TDRD5: variants seen among roughly 807,000 people sequenced by gnomAD.
TDRD5 encodes the protein tudor domain-containing protein 5.
In TDRD5, 41 loss-of-function variants were observed where a neutral mutation model predicts 120.6. The ratio of observed to expected loss-of-function variants is 0.34; its 90% CI spans 0.26 to 0.44. TDRD5 has a LOEUF of 0.44. Among genes scored for constraint, TDRD5 ranks in the 20% least tolerant of loss-of-function variants. The probability of loss-of-function intolerance (pLI) is 1.00; values close to 1 mark genes in which losing one functional copy is unlikely to be tolerated. For missense variants in TDRD5, 1,006 were observed against 1,221.2 expected, an observed-to-expected ratio of 0.82 and a Z score of 2.63; for synonymous variants, 430 against 433.7, an observed-to-expected ratio of 0.99 and a Z score of 0.11.
intron 17 of TDRD5, among the ~76,000 whole-genome samples, chr1:179,678,750 C>T (rs556938023): frequency 2.0e-4 from 31 of 151,944 alleles, no homozygotes; most frequent in Middle Eastern, 3.4e-3. Flanking sequence ...TCATATATTC[C>T]GTGACCTTGC....
intron 17 of TDRD5, among the ~76,000 whole-genome samples, chr1:179,685,461 G>T (rs980748130): frequency 1.3e-5 from 2 of 152,174 alleles, no homozygotes; most frequent in African/African-American, 4.8e-5. Context: ...GGTATAGTTT[G>T]AAGTCAGGTA....
chr1:179,688,713 G>A (rs1460724839), intron 17 of TDRD5, among the ~76,000 whole-genome samples: 1 of 152,134 alleles, frequency 6.6e-6, no homozygotes, highest in Non-Finnish European at 1.5e-5. Flanking sequence ...TTTTCACATA[G>A]TCCCATATTT....
chr1:179,615,656 C>G (rs887122182), intron 4 of TDRD5, among the ~76,000 whole-genome samples: 4 of 152,108 alleles, frequency 2.6e-5, no homozygotes, highest in Non-Finnish European at 5.9e-5. Context: ...CTTTTCCATT[C>G]CACATTATAA....
At chr1:179,646,521 G>C (rs1038474406) in intron 11 of TDRD5, among the ~76,000 whole-genome samples, 2 of 148,982 alleles carry the variant, frequency 1.3e-5, no homozygotes, top group Admixed American at 1.4e-4. Flanking sequence ...AAAACTGGAA[G>C]CATTCCCTTT....
At chr1:179,640,268 T>G in intron 10 of TDRD5, 111 bp from the exon 11 acceptor site, 1 of 1,248,798 alleles carries the variant, frequency 8.0e-7, no homozygotes, top group Non-Finnish European at 1.2e-6. Flanking sequence ...GAATGGACGA[T>G]GAGATTACGT....
chr1:179,654,424 G>C, intron 14 of TDRD5, 62 bp downstream of exon 14: 2 of 1,418,936 alleles, frequency 1.4e-6, no homozygotes, highest in Non-Finnish European at 1.9e-6. Flanking sequence ...ATTCATAAGT[G>C]AAGAGGACTG....
chr1:179,614,308 A>G lies in TDRD5; in HGVS notation c.832-4291A>G, dbSNP rs1676445174. 2.0e-5 allele frequency among the ~76,000 whole-genome samples: 3 copies of G among 152,204 alleles called. No individual in the cohort carries two copies. In the South Asian group the frequency reaches 6.2e-4, roughly 31 times the overall value. On this transcript the variant is annotated intron_variant, in intron 4 of 17. Transcript: ENST00000444136. ...ATGCAACATAATTTTAAATGATGGT[A>G]TCAATGTGCCATGATTTTAAATGAT...
intron 17 of TDRD5, among the ~76,000 whole-genome samples, chr1:179,688,430 C>A (rs1680878559): frequency 6.6e-6 from 1 of 152,150 alleles, no homozygotes; most frequent in African/African-American, 2.4e-5. Context: ...AGTCTGATGG[C>A]CTTCCCTTTG....
intron 7 of TDRD5, among the ~76,000 whole-genome samples, chr1:179,633,496 C>A (rs528720275): frequency 1.3e-5 from 2 of 151,886 alleles, no homozygotes; most frequent in Non-Finnish European, 2.9e-5. Flanking sequence ...GGACTACAGG[C>A]GCCTGCCACC....
chr1:179,636,626 ATAAC>A (rs1558396254), intron 9 of TDRD5, among the ~76,000 whole-genome samples: 1 of 152,224 alleles, frequency 6.6e-6, no homozygotes, highest in East Asian at 1.9e-4. Flanking sequence ...CATTTGGAAA[ATAAC>A]TAGTTTGCTG....
At chr1:179,665,689 T>C (rs971581646) in intron 16 of TDRD5, among the ~76,000 whole-genome samples, 9 of 152,206 alleles carry the variant, frequency 5.9e-5, no homozygotes, top group Non-Finnish European at 1.2e-4. Context: ...TTTTCTGTCA[T>C]GTAGTTTTAT....
At chr1:179,688,178 G>C (rs1306157941) in intron 17 of TDRD5, among the ~76,000 whole-genome samples, 1 of 152,186 alleles carries the variant, frequency 6.6e-6, no homozygotes, top group Non-Finnish European at 1.5e-5. Context: ...TGCAGTGGCT[G>C]GTACCAGTTG....
chr1:179,687,745 T>A (rs553372804), intron 17 of TDRD5, among the ~76,000 whole-genome samples: 24 of 152,258 alleles, frequency 1.6e-4, no homozygotes, highest in African/African-American at 4.8e-4. Context: ...GGTGCATATA[T>A]ATTTAGGATA....
chr1:179,641,690 A>G (rs886192780), intron 11 of TDRD5, among the ~76,000 whole-genome samples: 7 of 152,222 alleles, frequency 4.6e-5, no homozygotes, highest in African/African-American at 1.7e-4. Flanking sequence ...TACTTAAAAT[A>G]GTAATCGTAA....
rs182713265 is a variant in TDRD5, at chr1:179,664,581, C to G, written c.2649+1090C>G. Among the ~76,000 whole-genome samples, 4 of 152,278 alleles carry G rather than the reference C, an allele frequency of 2.6e-5. No individual in the cohort carries two copies. The East Asian group carries it at 5.8e-4, about 22-fold the overall frequency. ...GTGGTTTTCTGTGATTGTCTTCTTT[C>G]ACCTAGCATTAATAATGTCTTCAAA... On this transcript the variant is annotated intron_variant, in intron 16 of 17. Transcript: ENST00000444136.
At chr1:179,608,327 G>T (rs1348197948) in intron 4 of TDRD5, among the ~76,000 whole-genome samples, 1 of 151,748 alleles carries the variant, frequency 6.6e-6, no homozygotes, top group African/African-American at 2.4e-5. Flanking sequence ...TTGTATGTGG[G>T]TTTATAATTT....
At chr1:179,659,057 A>G (rs139498554) in intron 14 of TDRD5, among the ~76,000 whole-genome samples, 14 of 152,244 alleles carry the variant, frequency 9.2e-5, no homozygotes, top group African/African-American at 3.1e-4. Flanking sequence ...GTGTTTGGAA[A>G]TTTTCATGTT....
At chr1:179,671,468 T>G (rs1679850198) in intron 17 of TDRD5, among the ~76,000 whole-genome samples, 1 of 152,236 alleles carries the variant, frequency 6.6e-6, no homozygotes. Context: ...ACATACTACA[T>G]TTTTTGTTTT....
At chr1:179,663,574 C>T in intron 16 of TDRD5, 83 bp downstream of exon 16, 2 of 1,498,064 alleles carry the variant, frequency 1.3e-6, no homozygotes, top group Non-Finnish European at 8.9e-7. Flanking sequence ...TCTCAATTTA[C>T]ATATTTTGAT....
Sources: allele counts gnomAD v4.1 joint callset (sites outside exome capture counted in the v4.1 genomes callset), GRCh38; gene constraint gnomAD v4.1.1; transcripts MANE v1.5; gene names NCBI Gene and HGNC (gene_info 2026-07-23, HGNC 2026-07-21).